Variants in LRFN2 observed in about 807,000 individuals in gnomAD.
The protein encoded by LRFN2 is leucine rich repeat and fibronectin type III domain containing 2.
LRFN2 carries 18 observed loss-of-function variants against 37.3 expected under a neutral mutation model. The observed-to-expected ratio is 0.48, with a 90% confidence interval of 0.33 to 0.72. The LOEUF (loss-of-function observed/expected upper bound fraction) is 0.72. Among genes scored for constraint, LRFN2 ranks in the 30% least tolerant of loss-of-function variants. LRFN2 has a pLI of 0.02. For synonymous variants in LRFN2, 556 were observed against 466.6 expected (o/e 1.19, Z -2.47); for missense variants, 1,006 against 1,060.7 (o/e 0.95, Z 0.72).
intron 2 of LRFN2, among the ~76,000 whole-genome samples, chr6:40,403,171 G>A (rs1245308197): frequency 6.6e-6 from 1 of 152,206 alleles, no homozygotes; most frequent in Non-Finnish European, 1.5e-5. Context: ...GAGTCCTCTG[G>A]AGCCGGTGTC....
intron 1 of LRFN2, among the ~76,000 whole-genome samples, chr6:40,471,185 G>A (rs969049346): frequency 3.9e-5 from 6 of 152,182 alleles, no homozygotes; most frequent in Non-Finnish European, 7.3e-5. Context: ...GAGTGTCTGG[G>A]AAAGGGGATG....
At chr6:40,516,759 A>G in intron 1 of LRFN2, among the ~76,000 whole-genome samples, 1 of 152,142 alleles carries the variant, frequency 6.6e-6, no homozygotes, top group East Asian at 1.9e-4. Context: ...TGGGGTGGCC[A>G]GGAGCAGCCA....
At chr6:40,586,297 T>G (rs1185411706) in intron 1 of LRFN2, among the ~76,000 whole-genome samples, 2 of 152,108 alleles carry the variant, frequency 1.3e-5, no homozygotes, top group Non-Finnish European at 2.9e-5. Flanking sequence ...GCATGGCTAA[T>G]GCCACTTTCC....
intron 1 of LRFN2, among the ~76,000 whole-genome samples, chr6:40,496,968 G>A (rs1374301795): frequency 1.3e-5 from 2 of 152,106 alleles, no homozygotes; most frequent in African/African-American, 4.8e-5. Context: ...TAATGTAAGG[G>A]TTCTCATACC....
At position 40,583,083 on chromosome 6, in the gene LRFN2, G is replaced by A. The variant is rs567817861; in HGVS notation, c.-19+3858C>T. 2.6e-5 allele frequency among the ~76,000 whole-genome samples: 4 copies of A among 152,170 alleles called. No individual in the cohort carries two copies. The East Asian group carries it at 7.7e-4, about 29-fold the overall frequency. On this transcript the variant is annotated intron_variant, in intron 1 of 2. Transcript: ENST00000338305. ...TTTTAAGACAATGCATCCTCAGTGG[G>A]GACAATATCGCCCCCAAGGGGGCAA...
At chr6:40,531,931 C>T (rs1011264774) in intron 1 of LRFN2, among the ~76,000 whole-genome samples, 6 of 152,206 alleles carry the variant, frequency 3.9e-5, no homozygotes, top group African/African-American at 1.2e-4. Context: ...AAGCAGTCTC[C>T]GTGCTGGGAT....
rs1212784506 is a variant in LRFN2, at chr6:40,442,833, G to T, written c.-18-9702C>A. ...CCTGGTCTCCCTGAACACCCCTCCT[G>T]GTTGTGCGGAGCTGGGCCTCAGCAG... On this transcript the variant is annotated intron_variant, in intron 1 of 2. Transcript: ENST00000338305. Among the ~76,000 whole-genome samples the T allele has an allele frequency of 2.6e-5, 4 of 152,140 alleles. No individual in the cohort carries two copies. In the East Asian group the frequency reaches 5.8e-4, roughly 22 times the overall value.
chr6:40,492,510 G>A (rs1765117065), intron 1 of LRFN2, among the ~76,000 whole-genome samples: 1 of 152,180 alleles, frequency 6.6e-6, no homozygotes, highest in African/African-American at 2.4e-5. Flanking sequence ...TTAAATAGAG[G>A]TTCCTTGGAG....
chr6:40,548,839 G>A (rs1375660767), intron 1 of LRFN2, among the ~76,000 whole-genome samples: 1 of 152,204 alleles, frequency 6.6e-6, no homozygotes, highest in Non-Finnish European at 1.5e-5. Context: ...GAGGAGGAAG[G>A]CCAGCCTAAG....
At chr6:40,448,729 C>A (rs1363930319) in intron 1 of LRFN2, among the ~76,000 whole-genome samples, 1 of 152,200 alleles carries the variant, frequency 6.6e-6, no homozygotes, top group Non-Finnish European at 1.5e-5. Context: ...CTAATCGTTT[C>A]TCTTAATTCA....
At chr6:40,437,928 G>T (rs1188271103) in intron 1 of LRFN2, among the ~76,000 whole-genome samples, 2 of 152,204 alleles carry the variant, frequency 1.3e-5, no homozygotes, top group Non-Finnish European at 1.5e-5. Flanking sequence ...GGCAATTAGG[G>T]AAAAGGGCTA....
intron 1 of LRFN2, among the ~76,000 whole-genome samples, chr6:40,542,088 AACTC>A (rs1298719014): frequency 1.3e-5 from 2 of 152,208 alleles, no homozygotes; most frequent in Non-Finnish European, 2.9e-5. Flanking sequence ...TGGTGGTTCT[AACTC>A]ACGCAGACAC....
At chr6:40,566,536 A>G (rs1767093333) in intron 1 of LRFN2, among the ~76,000 whole-genome samples, 2 of 151,812 alleles carry the variant, frequency 1.3e-5, no homozygotes, top group Admixed American at 1.3e-4. Flanking sequence ...CATATACACC[A>G]TGGAATACTA....
chr6:40,463,981 C>T (rs1295006519), intron 1 of LRFN2, among the ~76,000 whole-genome samples: 1 of 152,152 alleles, frequency 6.6e-6, no homozygotes, highest in Non-Finnish European at 1.5e-5. Flanking sequence ...CAATGACCTG[C>T]CTTTACCTGG....
intron 2 of LRFN2, among the ~76,000 whole-genome samples, chr6:40,429,295 G>T (rs542093845): frequency 6.6e-6 from 1 of 152,282 alleles, no homozygotes; most frequent in East Asian, 1.9e-4. Context: ...GAGACCCCTG[G>T]CAAGCTGCGC....
intron 1 of LRFN2, among the ~76,000 whole-genome samples, chr6:40,520,243 G>A (rs1766019206): frequency 6.6e-6 from 1 of 152,146 alleles, no homozygotes; most frequent in Admixed American, 6.5e-5. Context: ...TGATGCTGCA[G>A]TTCTGGCGTA....
At chr6:40,393,983 G>T (rs1475174527) in intron 2 of LRFN2, among the ~76,000 whole-genome samples, 2 of 152,152 alleles carry the variant, frequency 1.3e-5, no homozygotes, top group African/African-American at 4.8e-5. Flanking sequence ...GTTAAGGACT[G>T]GGGGGCACTT....
At chr6:40,496,769 G>C (rs960784803) in intron 1 of LRFN2, among the ~76,000 whole-genome samples, 2 of 151,976 alleles carry the variant, frequency 1.3e-5, no homozygotes, top group Non-Finnish European at 2.9e-5. Flanking sequence ...GCTTCCTCCT[G>C]CTAGAATATG....
intron 1 of LRFN2, among the ~76,000 whole-genome samples, chr6:40,482,469 C>A (rs1024772350): frequency 1.3e-4 from 20 of 152,332 alleles, no homozygotes; most frequent in Admixed American, 9.8e-4. Context: ...CCCTGACACA[C>A]CCCCACCTGC....
Sources: gnomAD v4.1 joint callset for allele counts (sites outside exome capture counted in the v4.1 genomes callset) on GRCh38, gnomAD v4.1.1 for gene constraint, MANE v1.5 for transcripts, NCBI Gene and HGNC (gene_info 2026-07-23, HGNC 2026-07-21) for gene names.